The following EXOC4 variants were observed in gnomAD, a reference collection of about 807,000 sequenced individuals.
EXOC4 encodes the protein exocyst complex component 4, also known as SEC8-like 1.
In EXOC4, 71 loss-of-function variants were observed where a neutral mutation model predicts 107.2. The ratio of observed to expected loss-of-function variants is 0.66; its 90% CI spans 0.55 to 0.81. The LOEUF (loss-of-function observed/expected upper bound fraction) is 0.81. Among genes scored for constraint, EXOC4 ranks in the 30% least tolerant of loss-of-function variants. The pLI is 0.00. For missense variants in EXOC4, 1,108 were observed against 1,189.6 expected (o/e 0.93, Z 1.01); for synonymous variants, 456 against 441.2 (o/e 1.03, Z -0.42).
chr7:133,523,453 T>A (rs1460146399), intron 9 of EXOC4, among the ~76,000 whole-genome samples: 2 of 151,034 alleles, frequency 1.3e-5, no homozygotes, highest in Admixed American at 6.6e-5. Flanking sequence ...TTTTTTTTTT[T>A]AATTATACTT....
intron 10 of EXOC4, among the ~76,000 whole-genome samples, chr7:133,768,811 A>G (rs904370579): frequency 1.3e-5 from 2 of 151,950 alleles, no homozygotes; most frequent in Non-Finnish European, 2.9e-5. Context: ...CAGAGAGCCC[A>G]TGGTCTAGTG....
intron 17 of EXOC4, among the ~76,000 whole-genome samples, chr7:134,050,956 G>T (rs1266697389): frequency 6.6e-6 from 1 of 152,086 alleles, no homozygotes; most frequent in East Asian, 1.9e-4. Context: ...AAGAGTGTAG[G>T]ATCTGTGATA....
At chr7:133,419,238 G>A (rs1797547684) in intron 7 of EXOC4, among the ~76,000 whole-genome samples, 1 of 152,038 alleles carries the variant, frequency 6.6e-6, no homozygotes, top group African/African-American at 2.4e-5. Context: ...TGGACTTGTA[G>A]CACCACCAGC....
At chr7:133,597,475 A>AC (rs1274214141) in intron 9 of EXOC4, among the ~76,000 whole-genome samples, 2 of 148,148 alleles carry the variant, frequency 1.3e-5, no homozygotes, top group Non-Finnish European at 3.0e-5. Flanking sequence ...AATCGCTTGA[A>AC]CCCAGGAGGC....
intron 10 of EXOC4, among the ~76,000 whole-genome samples, chr7:133,777,151 G>A (rs961551398): frequency 6.6e-6 from 1 of 151,884 alleles, no homozygotes; most frequent in African/African-American, 2.4e-5. Flanking sequence ...AGTTTTACCA[G>A]GATCTTTAAT....
chr7:134,086,025 A>C, the EXOC4 span, among the ~76,000 whole-genome samples: 1 of 152,202 alleles, frequency 6.6e-6, no homozygotes, highest in African/African-American at 2.4e-5. Flanking sequence ...GTGTGCCCCA[A>C]CACACAGCTA....
chr7:134,027,016 T>G (rs1200724964), intron 17 of EXOC4, among the ~76,000 whole-genome samples: 1 of 152,116 alleles, frequency 6.6e-6, no homozygotes, highest in Non-Finnish European at 1.5e-5. Context: ...AACCTGTATA[T>G]GACAAATGGG....
chr7:133,451,865 A>G (rs931356206), intron 7 of EXOC4, among the ~76,000 whole-genome samples: 51 of 152,186 alleles, frequency 3.4e-4, no homozygotes, highest in African/African-American at 1.2e-3. Context: ...AAAGAGGTCA[A>G]TGATTTTGAG....
At chr7:133,595,870 C>T (rs192686651) in intron 9 of EXOC4, among the ~76,000 whole-genome samples, 108 of 152,324 alleles carry the variant, frequency 7.1e-4, no homozygotes, top group Non-Finnish European at 1.1e-3. Flanking sequence ...ATTCTAGTAT[C>T]TCCGCCTGTA....
chr7:133,572,065 T>A (rs1801035441), intron 9 of EXOC4, among the ~76,000 whole-genome samples: 1 of 152,200 alleles, frequency 6.6e-6, no homozygotes, highest in Non-Finnish European at 1.5e-5. Flanking sequence ...TGTTAGTGAG[T>A]TACTGGGTGA....
At position 133,438,910 on chromosome 7, in the gene EXOC4, T is replaced by TC. The variant is rs200074805; in HGVS notation, c.1183-36417dup. On this transcript the variant is annotated intron_variant, in intron 7 of 17. Transcript: ENST00000253861. ...TGCTTACAGATGACAGTAGGTCAGT[T>TC]CATTAGTATATTTTGCTGAGGTGCT... Among the ~76,000 whole-genome samples, 311 of 152,324 alleles carry TC rather than the reference T, an allele frequency of 2.0e-3. 8 individuals carry two copies. The East Asian group carries it at 0.049, about 24-fold the overall frequency.
intron 17 of EXOC4, among the ~76,000 whole-genome samples, chr7:134,011,694 C>G (rs1318631410): frequency 6.6e-6 from 1 of 151,406 alleles, no homozygotes; most frequent in African/African-American, 2.4e-5. Context: ...GTCCTGGCCT[C>G]ATGAAACTTG....
intron 13 of EXOC4, among the ~76,000 whole-genome samples, chr7:133,924,914 G>A (rs1469676577): frequency 1.3e-5 from 2 of 152,194 alleles, no homozygotes; most frequent in Non-Finnish European, 2.9e-5. Context: ...TAACTTTTAG[G>A]TCTATTTGGT....
chr7:133,650,937 G>GTTTTTTTTTTTTTTTTTT lies in EXOC4; in HGVS notation c.1514+20804_1514+20821dup, dbSNP rs200499348. On this transcript the variant is annotated intron_variant, in intron 10 of 17. Transcript: ENST00000253861. ...TCTTAGTACATACTGAGATTGGTCA[G>GTTTTTTTTTTTTTTTTTT]TTTTTTTTTTTTTTTTTTTTTTTTT... 5.6e-5 allele frequency among the ~76,000 whole-genome samples: 5 copies of GTTTTTTTTTTTTTTTTTT among 88,694 alleles called. 1 individual carries two copies. The highest frequency in any genetic ancestry group is 8.9e-5 in the Non-Finnish European group (4 of 44,792). 58.2% of individuals were successfully genotyped at this position (88,694 alleles called of 152,430 possible). A position where few individuals can be genotyped will look rare whatever the true frequency, so the allele number is the denominator to read the frequency against.
chr7:133,529,595 T>C (rs1329272815), intron 9 of EXOC4, among the ~76,000 whole-genome samples: 1 of 152,162 alleles, frequency 6.6e-6, no homozygotes, highest in African/African-American at 2.4e-5. Flanking sequence ...ATTAGTAAAT[T>C]GTGAAGCAGG....
chr7:133,997,959 C>G (rs1794436839), intron 15 of EXOC4, among the ~76,000 whole-genome samples: 1 of 152,122 alleles, frequency 6.6e-6, no homozygotes, highest in African/African-American at 2.4e-5. Context: ...ATGATAGTTT[C>G]TAACTTATAG....
chr7:133,959,284 A>T (rs1448680543), intron 14 of EXOC4, among the ~76,000 whole-genome samples: 1 of 152,190 alleles, frequency 6.6e-6, no homozygotes, highest in African/African-American at 2.4e-5. Context: ...AAAAAATGAA[A>T]ATTAATATCC....
At chr7:133,793,284 G>A (rs965709674) in intron 10 of EXOC4, among the ~76,000 whole-genome samples, 2 of 152,042 alleles carry the variant, frequency 1.3e-5, no homozygotes, top group African/African-American at 4.8e-5. Flanking sequence ...ATATTAATAC[G>A]AGATTAGGGA....
At chr7:133,318,370 C>A (rs757542738) in intron 5 of EXOC4, among the ~76,000 whole-genome samples, 1 of 152,274 alleles carries the variant, frequency 6.6e-6, no homozygotes, top group South Asian at 2.1e-4. Flanking sequence ...GGGTTCAGCT[C>A]AACTGGGCTT....
Sources: allele counts gnomAD v4.1 joint callset (sites outside exome capture counted in the v4.1 genomes callset), GRCh38; gene constraint gnomAD v4.1.1; transcripts MANE v1.5; gene names NCBI Gene and HGNC (gene_info 2026-07-23, HGNC 2026-07-21).